The following JAK1 variants were observed in gnomAD, a reference collection of about 807,000 sequenced individuals.
JAK1 encodes the protein Janus kinase 1.
In JAK1, 16 loss-of-function variants were observed where a neutral mutation model predicts 136.6. The ratio of observed to expected loss-of-function variants is 0.12; its 90% CI spans 0.08 to 0.18. The LOEUF (loss-of-function observed/expected upper bound fraction) is 0.18, where lower values mean the gene tolerates loss of function less well. JAK1 is among the 10% of genes least tolerant of loss of function. The probability of loss-of-function intolerance (pLI) is 1.00; values close to 1 mark genes in which losing one functional copy is unlikely to be tolerated. For missense variants in JAK1, 859 were observed against 1,450.1 expected, an observed-to-expected ratio of 0.59 and a Z score of 6.62; for synonymous variants, 492 against 519.5, an observed-to-expected ratio of 0.95 and a Z score of 0.72.
chr1:64,854,044 C>T (rs1006572807), intron 11 of JAK1, among the ~76,000 whole-genome samples: 3 of 152,198 alleles, frequency 2.0e-5, no homozygotes, highest in African/African-American at 4.8e-5. Flanking sequence ...TTTACCTTTG[C>T]GGAAAATCCT....
In JAK1 at chr1:64,838,379, A is replaced by G. The variant is rs1224865846; in HGVS notation, c.2967+86T>C. On this transcript the variant is annotated intron_variant, in intron 21 of 24. Coordinates refer to ENST00000342505, the MANE Select transcript of JAK1 (RefSeq NM_002227.4). The stretch of plus-strand genomic sequence containing the variant: ...CAAACAGTATAATTATCATAAACTT[A>G]CCCACTTAGAGTCAAATTACAAACC... 2.2e-6 allele frequency: 3 copies of G among 1,362,276 alleles called. No individual in the cohort carries two copies. The African/African-American group carries it at 4.4e-5, about 20-fold the overall frequency. The allele number at this position is 1,362,276 out of a possible 1,614,324, so 84.4% of individuals were successfully genotyped here. A position where few individuals can be genotyped will look rare whatever the true frequency, so the allele number is the denominator to read the frequency against.
At position 64,855,632 on chromosome 1, in the gene JAK1, G is replaced by A. The variant is rs1004358455; in HGVS notation, c.1525C>T (p.Leu509=). 1.2e-6 allele frequency: 2 copies of A among 1,614,046 alleles called. No individual in the cohort carries two copies. Among genetic ancestry groups the A allele is most frequent in the African/African-American group, 2.7e-5 (2 of 74,918 alleles). Residue 509 remains leucine, a synonymous_variant, in exon 11 of 25, where the codon CTG becomes TTG. Transcript: ENST00000342505. ...GGGAAGCTGCGGTCCGAACCGTGCA[G>A]ACTGTAGCGGCCCTTCTGCACCTCG... ...QIEVQKGRYS[L]HGSDRSFPSL...
chr1:64,915,846 G>A lies in JAK1; in HGVS notation c.-77-29505C>T, dbSNP rs549095893. Among the ~76,000 whole-genome samples, 12 of 152,300 alleles carry A rather than the reference G, an allele frequency of 7.9e-5. No homozygotes were observed. In the East Asian group the frequency reaches 1.2e-3, roughly 15 times the overall value. The stretch of plus-strand genomic sequence containing the variant: ...GTGAAGCATGGGAACCTCTGGGCAC[G>A]CAGAAAGACGGCATCTGCACACATG... On this transcript the variant is annotated intron_variant, in intron 1 of 24. Coordinates refer to ENST00000342505, the MANE Select transcript of JAK1 (RefSeq NM_002227.4).
In JAK1 at chr1:64,920,015, A is replaced by C. The variant is rs1645468208; in HGVS notation, c.-77-33674T>G. Among the ~76,000 whole-genome samples, 3 of 152,286 alleles carry C rather than the reference A, an allele frequency of 2.0e-5. No individual in the cohort carries two copies. The South Asian group carries it at 6.2e-4, about 32-fold the overall frequency. On this transcript the variant is annotated intron_variant, in intron 1 of 24. Coordinates refer to ENST00000342505, the MANE Select transcript of JAK1 (RefSeq NM_002227.4). ...CTCAATAAATAATAAACGACATCAA[A>C]AGAAAAAAGTGCTAAGAATCAAGTG...
intron 19 of JAK1, among the ~76,000 whole-genome samples, chr1:64,840,282 C>T (rs2100968608): frequency 6.6e-6 from 1 of 152,252 alleles, no homozygotes; most frequent in Middle Eastern, 3.4e-3. Flanking sequence ...TCGCTGCATA[C>T]AGAAACTGGC....
chr1:65,016,349 T>C (rs1397954170), intron 2 of JAK1, among the ~76,000 whole-genome samples: 2 of 152,316 alleles, frequency 1.3e-5, no homozygotes, highest in East Asian at 3.9e-4. Context: ...GGGCCGAGCA[T>C]GGTGGCTTAT....
At chr1:64,911,804 T>A (rs942274858) in intron 1 of JAK1, among the ~76,000 whole-genome samples, 3 of 152,248 alleles carry the variant, frequency 2.0e-5, no homozygotes, top group Non-Finnish European at 4.4e-5. Context: ...TTTTGATTAT[T>A]TTACATTTCT....
chr1:64,899,791 A>G (rs934292247), intron 1 of JAK1, among the ~76,000 whole-genome samples: 19 of 152,320 alleles, frequency 1.2e-4, no homozygotes, highest in Admixed American at 1.0e-3. Context: ...CTCCACTTTC[A>G]ATTTGGACTT....
rs3748636 is a variant in JAK1, at chr1:64,879,295, C to T, written c.206-147G>A. 87 of 870,286 alleles carry T rather than the reference C, an allele frequency of 1.0e-4. No homozygotes were observed. In the East Asian group the frequency reaches 2.3e-3, roughly 23 times the overall value. 53.9% of individuals were successfully genotyped at this position (870,286 alleles called of 1,614,324 possible). A position where few individuals can be genotyped will look rare whatever the true frequency, so the allele number is the denominator to read the frequency against. On this transcript the variant is annotated intron_variant, in intron 3 of 24. Coordinates refer to ENST00000342505, the MANE Select transcript of JAK1 (RefSeq NM_002227.4). ...TATCCTCTTAGGGCAAACAGACTTCCGACCAGGTTCGGTCAGGCTGTTTTG... is the reference window on the plus strand; with the variant it reads ...TATCCTCTTAGGGCAAACAGACTTCTGACCAGGTTCGGTCAGGCTGTTTTG...
At chr1:64,919,707 T>G (rs1163289876) in intron 1 of JAK1, among the ~76,000 whole-genome samples, 2 of 152,190 alleles carry the variant, frequency 1.3e-5, no homozygotes, top group Non-Finnish European at 2.9e-5. Flanking sequence ...TGGACTTTCA[T>G]CATTTGCCAA....
At chr1:64,944,093 G>A (rs1240736992) in intron 1 of JAK1, among the ~76,000 whole-genome samples, 7 of 151,694 alleles carry the variant, frequency 4.6e-5, no homozygotes, top group East Asian at 3.9e-4. Flanking sequence ...GTGGTGGCAG[G>A]TGCCTGTAGT....
intron 2 of JAK1, among the ~76,000 whole-genome samples, chr1:65,020,936 T>C (rs1646932435): frequency 6.6e-6 from 1 of 152,156 alleles, no homozygotes; most frequent in Non-Finnish European, 1.5e-5. Context: ...TAGAGCTATG[T>C]GGAGAGAGCT....
intron 1 of JAK1, among the ~76,000 whole-genome samples, chr1:64,958,583 C>G (rs973148872): frequency 3.9e-5 from 6 of 152,132 alleles, no homozygotes; most frequent in African/African-American, 1.4e-4. Context: ...TGCATCTGTC[C>G]GCATCCCTGT....
chr1:64,983,939 C>T (rs942838985), intron 2 of JAK1, among the ~76,000 whole-genome samples: 1 of 152,166 alleles, frequency 6.6e-6, no homozygotes, highest in African/African-American at 2.4e-5. Context: ...ATGTGCAGAT[C>T]TCAGGCACCA....
Position 65,031,961 on chromosome 1 carries a change from CTT to C in JAK1, c.-78+12517_-78+12518del, listed in dbSNP as rs68164546. On this transcript the variant is annotated intron_variant, in intron 2 of 25. Coordinates refer to the JAK1 transcript ENST00000671954. ...TGGAAAAACACAGATTTTTCTTTTT[CTT>C]TTTTTTTTTTTTTTTCTTGTGAGAT... 2.6e-3 allele frequency among the ~76,000 whole-genome samples: 356 copies of C among 135,272 alleles called. 1 individual carries two copies. The highest frequency in any genetic ancestry group is 8.9e-3 in the African/African-American group (329 of 36,790). The allele number at this position is 135,272 out of a possible 152,430, so 88.7% of individuals were successfully genotyped here.
chr1:64,867,245 T>C, intron 6 of JAK1, 37 bp from the exon 7 acceptor site: 1 of 1,441,850 alleles, frequency 6.9e-7, no homozygotes, highest in South Asian at 1.3e-5. Flanking sequence ...CCTTTTCATG[T>C]ACAGGTTAGG....
chr1:65,060,019 A>T (rs1647719795), intron 1 of JAK1, among the ~76,000 whole-genome samples: 1 of 152,164 alleles, frequency 6.6e-6, no homozygotes, highest in Non-Finnish European at 1.5e-5. Context: ...CTACACACAA[A>T]TTAAAAACAA....
intron 1 of JAK1, among the ~76,000 whole-genome samples, chr1:64,931,214 A>ATT (rs1169255139): frequency 6.6e-6 from 1 of 152,038 alleles, no homozygotes; most frequent in Non-Finnish European, 1.5e-5. Context: ...GGGTTCCTTG[A>ATT]TTTTCAAAGA....
chr1:64,888,250 C>T (rs1414955963), intron 1 of JAK1, among the ~76,000 whole-genome samples: 1 of 152,234 alleles, frequency 6.6e-6, no homozygotes, highest in Non-Finnish European at 1.5e-5. Context: ...GGCATGATCT[C>T]AGCTCACTGC....
Sources: allele counts gnomAD v4.1 joint callset (sites outside exome capture counted in the v4.1 genomes callset), GRCh38; gene constraint gnomAD v4.1.1; transcripts MANE v1.5; gene names NCBI Gene and HGNC (gene_info 2026-07-23, HGNC 2026-07-21).